RAB31: variants seen among roughly 807,000 people sequenced by gnomAD.
RAB31 encodes RAB31, member RAS oncogene family, also known as ras-related protein Rab-31.
Under a neutral mutation model 25.6 loss-of-function variants are expected in RAB31, and 21 were observed. The ratio of observed to expected loss-of-function variants is 0.82; its 90% CI spans 0.58 to 1.18. The LOEUF (loss-of-function observed/expected upper bound fraction) is 1.18. Among genes scored for constraint, RAB31 ranks in the 50% most tolerant of loss-of-function variants. The probability of loss-of-function intolerance (pLI) is 0.00; values close to 1 mark genes in which losing one functional copy is unlikely to be tolerated. For missense variants in RAB31, 196 were observed against 250.1 expected (o/e 0.78, Z 1.46); for synonymous variants, 87 against 84.0 (o/e 1.04, Z -0.20).
chr18:9,712,743 C>G (rs201189732), intron 1 of RAB31, among the ~76,000 whole-genome samples: 2 of 1,420 alleles, frequency 1.4e-3, no homozygotes, highest in African/African-American at 0.011. Flanking sequence ...CACTTAAAAA[C>G]TGCGTGCACT....
intron 2 of RAB31, among the ~76,000 whole-genome samples, chr18:9,791,545 C>A (rs1012116021): frequency 1.3e-5 from 2 of 151,398 alleles, no homozygotes; most frequent in Non-Finnish European, 2.9e-5. Context: ...CTACAGGCAC[C>A]CGCCACCATG....
chr18:9,752,172 G>A (rs997362411), intron 1 of RAB31, among the ~76,000 whole-genome samples: 2 of 152,106 alleles, frequency 1.3e-5, no homozygotes, highest in East Asian at 1.9e-4. Context: ...TTTCTCCACC[G>A]TGCTTGCATT....
In RAB31 at chr18:9,766,395, A is replaced by T. The variant is rs1045949343; in HGVS notation, c.40-8883A>T. ...CTATGCACTGCCTTCGCTTGCAGGC[A>T]TCTCCACACAAGGACCTGCCTGGCA... On this transcript the variant is annotated intron_variant, in intron 1 of 6. Transcript: ENST00000578921. This position sits in a 1 kb window ranked among gnomAD's most constrained non-coding sequence, Gnocchi z 4.3. 6.6e-6 allele frequency among the ~76,000 whole-genome samples: 1 copy of T among 152,114 alleles called. No individual in the cohort carries two copies. Among genetic ancestry groups the T allele is most frequent in the South Asian group, 2.1e-4 (1 of 4,812 alleles).
intron 1 of RAB31, among the ~76,000 whole-genome samples, chr18:9,772,943 C>A (rs1568175243): frequency 6.6e-6 from 1 of 152,138 alleles, no homozygotes; most frequent in Non-Finnish European, 1.5e-5. Flanking sequence ...GAACATGAGC[C>A]AGAATCCATA....
At chr18:9,710,836 C>T (rs1248000881) in intron 1 of RAB31, among the ~76,000 whole-genome samples, 1 of 151,534 alleles carries the variant, frequency 6.6e-6, no homozygotes, top group South Asian at 2.1e-4. Context: ...CCAGTCCGGG[C>T]GACAGAGTGA....
chr18:9,723,956 T>G (rs929637409), intron 1 of RAB31, among the ~76,000 whole-genome samples: 3 of 152,136 alleles, frequency 2.0e-5, no homozygotes, highest in South Asian at 2.1e-4. Context: ...AGACTACATC[T>G]AAAGCATAGC....
chr18:9,859,809 A>G lies in RAB31; in HGVS notation c.*484A>G, dbSNP rs1000900503. ...TTAGTTTTTAGCTAGCTTTGGAAGT[A>G]AGCCTTTATTTATTACTTTTTGGAG... On this transcript the variant is annotated 3_prime_UTR_variant, in exon 7 of 7. Transcript: ENST00000578921. 5 of 152,462 alleles carry G rather than the reference A, an allele frequency of 3.3e-5. No individual in the cohort carries two copies. The highest frequency in any genetic ancestry group is 1.2e-4 in the African/African-American group (5 of 41,446). 9.4% of individuals were successfully genotyped at this position (152,462 alleles called of 1,614,324 possible).
rs192519992 is a variant in RAB31, at chr18:9,821,722, G to A, written c.380+6500G>A. 9.2e-4 allele frequency among the ~76,000 whole-genome samples: 140 copies of A among 152,190 alleles called. 1 individual carries two copies. The highest frequency in any genetic ancestry group is 3.2e-3 in the African/African-American group (133 of 41,556). On this transcript the variant is annotated intron_variant, in intron 5 of 6. Coordinates refer to ENST00000578921, the MANE Select transcript of RAB31 (RefSeq NM_006868.4). ...CGATATTCTTTACAATTGCTCCAAA[G>A]AAAATGAAATACTTAGGCATATATT...
At chr18:9,722,988 A>C (rs547343024) in intron 1 of RAB31, 1 of 152,236 alleles carries the variant, frequency 6.6e-6, no homozygotes, top group Non-Finnish European at 1.5e-5. Flanking sequence ...TGCAGATACT[A>C]TTGAAACCTC....
chr18:9,805,101 A>T (rs116429817), intron 3 of RAB31, among the ~76,000 whole-genome samples: 5,265 of 151,956 alleles, frequency 0.035, 249 homozygotes, highest in African/African-American at 0.1. Context: ...AAAAGTTTTT[A>T]AAAAATTAGC....
At chr18:9,749,259 G>A (rs1387690716) in intron 1 of RAB31, among the ~76,000 whole-genome samples, 1 of 152,206 alleles carries the variant, frequency 6.6e-6, no homozygotes, top group African/African-American at 2.4e-5. Context: ...TGTTCTAACT[G>A]CTGTGGACAC....
rs371595182 is a variant in RAB31, at chr18:9,837,749, AT to A, written c.381-7826del. ...AAAAGTTTCTCAGAATTAATGTCAG[AT>A]TTTTTTCATTGAGAAAGGACTTCAA... On this transcript the variant is annotated intron_variant, in intron 5 of 6. Coordinates refer to ENST00000578921, the MANE Select transcript of RAB31 (RefSeq NM_006868.4). Among the ~76,000 whole-genome samples the A allele has an allele frequency of 3.8e-3, 583 of 152,290 alleles. 6 individuals are homozygous for A. Among genetic ancestry groups the A allele is most frequent in the African/African-American group, 0.013 (558 of 41,558 alleles).
chr18:9,833,027 C>T (rs960029479), intron 5 of RAB31, among the ~76,000 whole-genome samples: 2 of 152,070 alleles, frequency 1.3e-5, no homozygotes, highest in African/African-American at 2.4e-5. Flanking sequence ...GCCTGGACCT[C>T]GACCAGAGAC....
chr18:9,771,428 A>G (rs1179228568), intron 1 of RAB31, among the ~76,000 whole-genome samples: 1 of 152,210 alleles, frequency 6.6e-6, no homozygotes, highest in Non-Finnish European at 1.5e-5. Context: ...CCCTAAAGAC[A>G]GGCCTCTCTG....
At chr18:9,843,432 C>G (rs1163207001) in intron 5 of RAB31, among the ~76,000 whole-genome samples, 1 of 151,414 alleles carries the variant, frequency 6.6e-6, no homozygotes, top group African/African-American at 2.4e-5. Flanking sequence ...TGTAATCCCA[C>G]CTACTCAGGA....
At chr18:9,799,106 G>C (rs1273695073) in intron 3 of RAB31, among the ~76,000 whole-genome samples, 1 of 152,136 alleles carries the variant, frequency 6.6e-6, no homozygotes, top group African/African-American at 2.4e-5. Context: ...TGTTAGAGAT[G>C]AGGTCTTGCT....
chr18:9,750,296 C>A (rs921004892), intron 1 of RAB31, among the ~76,000 whole-genome samples: 1 of 152,170 alleles, frequency 6.6e-6, no homozygotes, highest in African/African-American at 2.4e-5. Context: ...CTGCCTTTAT[C>A]CTTAGGTCAG....
chr18:9,802,654 T>G (rs2068519854), intron 3 of RAB31, among the ~76,000 whole-genome samples: 1 of 152,238 alleles, frequency 6.6e-6, no homozygotes, highest in South Asian at 2.1e-4. Flanking sequence ...CTTGTTCACC[T>G]CCTTCAGATT....
chr18:9,851,901 A>G (rs945318249), intron 6 of RAB31, among the ~76,000 whole-genome samples: 6 of 151,554 alleles, frequency 4.0e-5, no homozygotes, highest in African/African-American at 1.5e-4. Flanking sequence ...CATATATTTC[A>G]TAATATATTT....
Sources: gnomAD v4.1 joint callset for allele counts (sites outside exome capture counted in the v4.1 genomes callset) on GRCh38, gnomAD v4.1.1 for gene constraint, Gnocchi (gnomAD v3.1) non-coding constraint, MANE v1.5 for transcripts, NCBI Gene and HGNC (gene_info 2026-07-23, HGNC 2026-07-21) for gene names.